Variants in PKP4 observed in about 807,000 individuals in gnomAD.
PKP4 encodes the protein plakophilin-4.
In PKP4, 90 loss-of-function variants were observed where a neutral mutation model predicts 145.1. The observed-to-expected ratio is 0.62, with a 90% CI of 0.52 to 0.74. The LOEUF (loss-of-function observed/expected upper bound fraction) is 0.74. Ranked by LOEUF, PKP4 falls within the 30% of genes least tolerant of loss-of-function variation. PKP4 has a pLI of 0.00. For synonymous variants in PKP4, 563 were observed against 577.2 expected (o/e 0.98, Z 0.35); for missense variants, 1,340 against 1,482.7 (o/e 0.90, Z 1.58).
intron 1 of PKP4, among the ~76,000 whole-genome samples, chr2:158,458,695 T>G (rs78426199): frequency 0.063 from 9,640 of 152,194 alleles, 413 homozygotes; most frequent in South Asian, 0.11. Context: ...TCCTAAGAAG[T>G]GTAATTTTTT....
Position 158,628,054 on chromosome 2 carries a change from C to G in PKP4, c.1153+2627C>G, listed in dbSNP as rs540679165. Among the ~76,000 whole-genome samples, 4 of 151,930 alleles carry G rather than the reference C, an allele frequency of 2.6e-5. No individual in the cohort carries two copies. The East Asian group carries it at 7.8e-4, about 29-fold the overall frequency. On this transcript the variant is annotated intron_variant, in intron 7 of 21. Coordinates refer to ENST00000389759, the MANE Select transcript of PKP4 (RefSeq NM_003628.6). ...GGAGTACAGTGGCACGCTCTCGGCT[C>G]ACTGCAACTTCCGCCTCCCGGGTTC...
intron 3 of PKP4, among the ~76,000 whole-genome samples, chr2:158,583,784 G>A (rs945618591): frequency 6.6e-6 from 1 of 151,916 alleles, no homozygotes; most frequent in African/African-American, 2.4e-5. Flanking sequence ...TGTTCCTAAA[G>A]TCCCACTTTG....
chr2:158,565,914 A>G (rs1171464609), intron 2 of PKP4, among the ~76,000 whole-genome samples: 1 of 152,208 alleles, frequency 6.6e-6, no homozygotes, highest in African/African-American at 2.4e-5. Flanking sequence ...ACATGAAAAA[A>G]GTTAAGACAA....
intron 1 of PKP4, among the ~76,000 whole-genome samples, chr2:158,528,479 G>T (rs547215443): frequency 2.2e-5 from 2 of 90,002 alleles, no homozygotes; most frequent in Admixed American, 1.3e-4. Flanking sequence ...ACACTCTGGG[G>T]ACTGTGGTGG....
intron 9 of PKP4, among the ~76,000 whole-genome samples, chr2:158,636,033 A>G (rs1027327953): frequency 2.0e-5 from 3 of 152,158 alleles, no homozygotes; most frequent in Non-Finnish European, 2.9e-5. Flanking sequence ...TTTACTGTAT[A>G]AAAGGAAATC....
At position 158,631,943 on chromosome 2, in the gene PKP4, T is replaced by TG. The variant is rs1201993057; in HGVS notation, c.1342+5dup. 2 of 1,613,124 alleles carry TG rather than the reference T, an allele frequency of 1.2e-6. No individual in the cohort carries two copies. Among genetic ancestry groups the TG allele is most frequent in the Non-Finnish European group, 1.7e-6 (2 of 1,179,814 alleles). ...CGGCGTTGTATCGCACAGGTTCAGG[T>TG]GGGCATCAACTCTGTTTACTGGTTT... On this transcript the variant is annotated splice_region_variant and intron_variant, in intron 8 of 21. Transcript: ENST00000389759.
At chr2:158,538,617 G>T (rs2044264687) in intron 2 of PKP4, among the ~76,000 whole-genome samples, 1 of 143,734 alleles carries the variant, frequency 7.0e-6, no homozygotes, top group African/African-American at 2.6e-5. Flanking sequence ...TTGGCTCACT[G>T]CAACCTCCGC....
Position 158,641,575 on chromosome 2 carries a change from G to T in PKP4, c.1695+816G>T, listed in dbSNP as rs3755420. Among the ~76,000 whole-genome samples, 70 of 152,052 alleles carry T rather than the reference G, an allele frequency of 4.6e-4. 1 individual carries two copies. The East Asian group carries it at 6.4e-3, about 14-fold the overall frequency. On this transcript the variant is annotated intron_variant, in intron 10 of 21. Transcript: ENST00000389759. ...ATAACATATAGATTCTTTCTTTAAC[G>T]TTTCAAGCCTTCTTCTGACCCACTG...
At chr2:158,617,502 T>G (rs1443366619) in intron 4 of PKP4, among the ~76,000 whole-genome samples, 1 of 152,242 alleles carries the variant, frequency 6.6e-6, no homozygotes, top group Non-Finnish European at 1.5e-5. Context: ...AAATGGTTAT[T>G]TGCACACTAT....
intron 4 of PKP4, among the ~76,000 whole-genome samples, chr2:158,611,614 C>T (rs2051156228): frequency 6.6e-6 from 1 of 152,080 alleles, no homozygotes; most frequent in Non-Finnish European, 1.5e-5. Flanking sequence ...AATTGAAACA[C>T]TTTATGCCTC....
In PKP4 at chr2:158,533,203, G is replaced by T; in HGVS notation, c.19G>T (p.Ala7Ser). The T allele has an allele frequency of 1.2e-6, 2 of 1,613,230 alleles. No individual in the cohort carries two copies. The highest frequency in any genetic ancestry group is 1.7e-6 in the Non-Finnish European group (2 of 1,179,856). ...AGGAGGAATGCCAGCTCCTGAGCAG[G>T]CCTCATTGGTGGAGGAGGGGCAACC... MPAPEQ[A>S]SLVEEGQPQT... Residue 7 changes from alanine (A) to serine (S), a missense_variant, in exon 2 of 22, where the codon GCC (alanine) becomes TCC (serine). By Grantham distance (99) the Ala-to-Ser change is moderately conservative. Transcript: ENST00000389759.
At chr2:158,467,321 A>G (rs1373634988) in intron 1 of PKP4, among the ~76,000 whole-genome samples, 2 of 152,184 alleles carry the variant, frequency 1.3e-5, no homozygotes, top group African/African-American at 4.8e-5. Context: ...TTCCATCACC[A>G]CAACGCTCAT....
chr2:158,662,853 A>C (rs778347770), intron 13 of PKP4, 44 bp from the exon 14 acceptor site: 2 of 1,518,512 alleles, frequency 1.3e-6, no homozygotes, highest in South Asian at 2.4e-5. Flanking sequence ...GTTTTGCTCT[A>C]ATGTGCCGAG....
chr2:158,613,786 A>T (rs1366666211), intron 4 of PKP4, among the ~76,000 whole-genome samples: 1 of 152,208 alleles, frequency 6.6e-6, no homozygotes, highest in African/African-American at 2.4e-5. Flanking sequence ...TATGCTACCC[A>T]CAAAGGCTTG....
At position 158,680,751 on chromosome 2, in the gene PKP4, A is replaced by T; in HGVS notation, c.*74A>T. 7.7e-7 allele frequency: 1 copy of T among 1,291,900 alleles called. No homozygotes were observed. The highest frequency in any genetic ancestry group is 2.4e-5 in the East Asian group (1 of 42,470). 80.0% of individuals were successfully genotyped at this position (1,291,900 alleles called of 1,614,324 possible). Reference sequence around the variant, plus strand: ...TTGAGGTGAAAAGTCCATCTTGCTGATTTGATGATTGAAATGTGAAAGTGA... The same window carrying T: ...TTGAGGTGAAAAGTCCATCTTGCTGTTTTGATGATTGAAATGTGAAAGTGA... On this transcript the variant is annotated 3_prime_UTR_variant, in exon 22 of 22. Coordinates refer to ENST00000389759, the MANE Select transcript of PKP4 (RefSeq NM_003628.6).
intron 3 of PKP4, among the ~76,000 whole-genome samples, chr2:158,589,762 C>A (rs538916888): frequency 2.6e-5 from 4 of 152,246 alleles, no homozygotes; most frequent in Admixed American, 1.3e-4. Context: ...AGTAAACTCT[C>A]ATTCTCATTA....
At chr2:158,546,212 T>G (rs578138339) in intron 2 of PKP4, among the ~76,000 whole-genome samples, 2 of 152,356 alleles carry the variant, frequency 1.3e-5, no homozygotes, top group South Asian at 4.1e-4. Flanking sequence ...CAAATATTAA[T>G]CTTTTTAGAT....
chr2:158,529,079 T>G (rs968208676), intron 1 of PKP4, among the ~76,000 whole-genome samples: 1 of 152,228 alleles, frequency 6.6e-6, no homozygotes, highest in Non-Finnish European at 1.5e-5. Context: ...AGACTCTGAT[T>G]AAAGATCTCT....
At chr2:158,514,485 G>A (rs572908177) in intron 1 of PKP4, among the ~76,000 whole-genome samples, 1 of 152,278 alleles carries the variant, frequency 6.6e-6, no homozygotes, top group African/African-American at 2.4e-5. Context: ...GATTCTAAAT[G>A]GAATAAAGGA....
Sources: gnomAD v4.1 joint callset for allele counts (sites outside exome capture counted in the v4.1 genomes callset) on GRCh38, gnomAD v4.1.1 for gene constraint, MANE v1.5 for transcripts, NCBI Gene and HGNC (gene_info 2026-07-23, HGNC 2026-07-21) for gene names.